Variants in RHOBTB2 observed in about 807,000 individuals in gnomAD.
RHOBTB2 encodes Rho related BTB domain containing 2.
RHOBTB2 carries 39 observed loss-of-function variants against 66.5 expected under a neutral mutation model. That is an observed-to-expected ratio of 0.59 (90% confidence interval 0.45 to 0.77). The LOEUF is 0.77. Ranked by LOEUF, RHOBTB2 falls within the 30% of genes least tolerant of loss-of-function variation. RHOBTB2 has a pLI of 0.00. For missense variants in RHOBTB2, 755 were observed against 999.1 expected (o/e 0.76, Z 3.29); for synonymous variants, 390 against 395.0 (o/e 0.99, Z 0.15).
At chr8:22,972,324 T>C in the RHOBTB2 span, among the ~76,000 whole-genome samples, 1,511 of 152,276 alleles carry the variant, frequency 9.9e-3, 30 homozygotes, top group African/African-American at 0.034. Flanking sequence ...TTTATACCAA[T>C]GCAGTCATCA....
At position 22,990,947 on chromosome 8, in the gene RHOBTB2, T is replaced by A. The variant is rs544649996; in HGVS notation, c.-136-1121T>A. Among the ~76,000 whole-genome samples, 3 of 152,114 alleles carry A rather than the reference T, an allele frequency of 2.0e-5. No individual in the cohort carries two copies. The East Asian group carries it at 5.8e-4, about 29-fold the overall frequency. Reference sequence around the variant, plus strand: ...CCTCAATTCATGCCTTGTGGAGGGGTCAGAGGCTGTGTCGGGGGGAATAGC... The same window carrying A: ...CCTCAATTCATGCCTTGTGGAGGGGACAGAGGCTGTGTCGGGGGGAATAGC... On this transcript the variant is annotated intron_variant, in intron 1 of 11. Transcript: ENST00000519685.
chr8:22,957,788 C>CT, the RHOBTB2 span, among the ~76,000 whole-genome samples: 3 of 152,104 alleles, frequency 2.0e-5, no homozygotes, highest in African/African-American at 4.8e-5. Context: ...AAGTGATTAA[C>CT]TTTTTTTTAA....
intron 1 of RHOBTB2, among the ~76,000 whole-genome samples, chr8:22,990,154 C>T (rs1407114403): frequency 6.6e-6 from 1 of 152,068 alleles, no homozygotes; most frequent in Non-Finnish European, 1.5e-5. Context: ...CAGGGTGTGG[C>T]ACTAGCGAGA....
chr8:22,984,383 G>T (rs944470427), upstream of RHOBTB2, among the ~76,000 whole-genome samples: 19 of 152,236 alleles, frequency 1.2e-4, no homozygotes, highest in African/African-American at 4.1e-4. Flanking sequence ...TGTATTGATT[G>T]TGTAATACAT....
At chr8:22,979,742 C>CTTTTTTTTTTTTTTTTTTTTTTT in the RHOBTB2 span, among the ~76,000 whole-genome samples, 1 of 84,094 alleles carries the variant, frequency 1.2e-5, no homozygotes, top group Non-Finnish European at 2.4e-5. Flanking sequence ...TCTTTTCTTT[C>CTTTTTTTTTTTTTTTTTTTTTTT]TTTTTTTTTT....
intron 1 of RHOBTB2, among the ~76,000 whole-genome samples, chr8:22,989,089 T>C (rs1318746563): frequency 6.6e-6 from 1 of 152,340 alleles, no homozygotes; most frequent in East Asian, 1.9e-4. Flanking sequence ...TCTCTATCAA[T>C]ACACGCATAC....
At chr8:22,985,393 G>A (rs566811830), upstream of RHOBTB2, among the ~76,000 whole-genome samples, 27 of 152,212 alleles carry the variant, frequency 1.8e-4, no homozygotes, top group Non-Finnish European at 3.8e-4. Flanking sequence ...TTAACTTATC[G>A]GAGAGGAGCT....
chr8:22,968,889 T>C, the RHOBTB2 span, among the ~76,000 whole-genome samples: 2 of 148,470 alleles, frequency 1.3e-5, no homozygotes, highest in African/African-American at 2.5e-5. Context: ...TTTCTAAGAA[T>C]AAAAGCAAAA....
the RHOBTB2 span, among the ~76,000 whole-genome samples, chr8:22,966,143 G>C: frequency 6.6e-6 from 1 of 151,178 alleles, no homozygotes; most frequent in African/African-American, 2.4e-5. Context: ...TTGAGGTCAG[G>C]AGTTCAAGAC....
the RHOBTB2 span, among the ~76,000 whole-genome samples, chr8:22,952,698 G>A: frequency 7.8e-4 from 118 of 152,216 alleles, no homozygotes; most frequent in Non-Finnish European, 1.5e-3. Flanking sequence ...CTGAGGTCAG[G>A]AGTTCCAGAC....
At position 23,014,778 on chromosome 8, in the gene RHOBTB2, G is replaced by A. The variant is rs1238178360; in HGVS notation, c.1860G>A (p.Gln620=). The A allele has an allele frequency of 6.2e-7, 1 of 1,613,002 alleles. No homozygotes were observed. Among genetic ancestry groups the A allele is most frequent in the South Asian group, 1.1e-5 (1 of 91,014 alleles). The change falls in exon 8 of 10, where the codon CAG becomes CAA. Residue 620 remains glutamine (Q), a splice_region_variant and synonymous_variant. Coordinates refer to ENST00000251822, the MANE Select transcript of RHOBTB2 (RefSeq NM_015178.3). ...GDVLVFLELA[Q]FHCAYQLADW... ...TCCTTGTGTTCCTGGAACTGGCTCAGGTATCATGGCAGGGGAGGGAATCTA... is the reference window on the plus strand; with the variant it reads ...TCCTTGTGTTCCTGGAACTGGCTCAAGTATCATGGCAGGGGAGGGAATCTA...
chr8:22,996,561 GTGTGTGTCTGTGTGTC>G (rs1164075631), upstream of RHOBTB2, among the ~76,000 whole-genome samples: 3 of 109,290 alleles, frequency 2.7e-5, no homozygotes, highest in Admixed American at 1.0e-4. Context: ...GTGTGTGTGT[GTGTGTGTCTGTGTGTC>G]TGTGTATGTA....
the RHOBTB2 span, among the ~76,000 whole-genome samples, chr8:22,959,019 T>C: frequency 2.6e-5 from 4 of 152,090 alleles, no homozygotes; most frequent in African/African-American, 9.7e-5. Context: ...CCTCAAGTTT[T>C]TGTATGAAGA....
upstream of RHOBTB2, among the ~76,000 whole-genome samples, chr8:22,986,884 G>A (rs904493105): frequency 2.0e-5 from 3 of 152,204 alleles, no homozygotes; most frequent in South Asian, 2.1e-4. Flanking sequence ...ACTGTGAGCC[G>A]ATAGCTTTTC....
the RHOBTB2 span, among the ~76,000 whole-genome samples, chr8:22,972,645 G>C: frequency 6.6e-6 from 1 of 152,192 alleles, no homozygotes; most frequent in East Asian, 1.9e-4. Context: ...ACATTAACAG[G>C]CATCAGAGGC....
At chr8:23,014,881 C>A (rs1192549660) in intron 8 of RHOBTB2, 103 bp downstream of exon 8, 6 of 910,292 alleles carry the variant, frequency 6.6e-6, no homozygotes, top group Non-Finnish European at 1.1e-5. Flanking sequence ...TGCGGGAGAA[C>A]CTGTCATCGG....
chr8:23,004,613 G>A lies in RHOBTB2; in HGVS notation c.179G>A (p.Arg60His), dbSNP rs777511384. The A allele has an allele frequency of 2.5e-6, 4 of 1,613,294 alleles. No individual in the cohort carries two copies. The highest frequency in any genetic ancestry group is 2.2e-5 in the East Asian group (1 of 44,880). ...ACAGTATGGGCCATCGACCAATATC[G>A]TGTGTGCCAGGAGGTAAGGCTGCAG... Reference protein sequence around the residue: ...VPTVWAIDQYRVCQEVLERSR... With the variant: ...VPTVWAIDQYHVCQEVLERSR... The change falls in exon 2 of 10, where the codon CGT becomes CAT. Residue 60 changes from arginine (R) to histidine (H), a missense_variant. Physicochemically the swap from Arg to His is conservative, Grantham distance 29 (BLOSUM62 0). Transcript: ENST00000251822. This position sits in a 1 kb window ranked among gnomAD's most constrained non-coding sequence, Gnocchi z 6.4.
At chr8:22,958,705 G>A in the RHOBTB2 span, among the ~76,000 whole-genome samples, 3 of 151,552 alleles carry the variant, frequency 2.0e-5, no homozygotes, top group Non-Finnish European at 4.4e-5. Context: ...GGAGGCTGAG[G>A]TGGGGAGGAT....
the RHOBTB2 span, among the ~76,000 whole-genome samples, chr8:22,955,347 C>G: frequency 2.6e-5 from 4 of 152,098 alleles, no homozygotes; most frequent in African/African-American, 7.2e-5. Flanking sequence ...CACTTGCATC[C>G]CAAACCATTA....
Sources: gnomAD v4.1 joint callset for allele counts (sites outside exome capture counted in the v4.1 genomes callset) on GRCh38, gnomAD v4.1.1 for gene constraint, Gnocchi (gnomAD v3.1) non-coding constraint, MANE v1.5 for transcripts, NCBI Gene and HGNC (gene_info 2026-07-23, HGNC 2026-07-21) for gene names.